JOSD1: variants seen among roughly 807,000 people sequenced by gnomAD.
The protein encoded by JOSD1 is Josephin domain containing 1, also known as josephin-1.
In JOSD1, 11 loss-of-function variants were observed where a neutral mutation model predicts 24.3. The observed-to-expected ratio is 0.45, with a 90% confidence interval of 0.29 to 0.75. The LOEUF (loss-of-function observed/expected upper bound fraction) is 0.75. Among genes scored for constraint, JOSD1 ranks in the 30% least tolerant of loss-of-function variants. JOSD1 has a pLI of 0.11. For synonymous variants in JOSD1, 106 were observed against 93.8 expected (o/e 1.13, Z -0.75); for missense variants, 184 against 253.5 (o/e 0.73, Z 1.86).
In JOSD1 at chr22:38,700,295, C is replaced by A; in HGVS notation, c.-308G>T. ...GTTTCCGTTTCCCCACCCTTCCCTC[C>A]CACCCCCCTCCAAAATCCCCACGAT... On this transcript the variant is annotated 5_prime_UTR_variant, in exon 2 of 5. Transcript: ENST00000683374. The A allele has an allele frequency of 9.7e-7, 1 of 1,035,966 alleles. No individual in the cohort carries two copies. The highest frequency in any genetic ancestry group is 1.2e-6 in the Non-Finnish European group (1 of 860,010). The allele number at this position is 1,035,966 out of a possible 1,614,324, so 64.2% of individuals were successfully genotyped here.
rs2092510978 is a variant in JOSD1 at position 38,689,119 on chromosome 22, C to T, written c.325G>A (p.Val109Ile). ...VWWDKRRDVGVIALTNVMGFI... is the reference protein window; with the variant it reads ...VWWDKRRDVGIIALTNVMGFI... Reference sequence around the variant, plus strand: ...CCCATGACGTTAGTGAGGGCAATGACACCGACATCCCTGCAGGGGAGAAAT... The same window carrying T: ...CCCATGACGTTAGTGAGGGCAATGATACCGACATCCCTGCAGGGGAGAAAT... The change falls in exon 4 of 5, where the codon GTC becomes ATC. Residue 109 changes from valine to isoleucine, a missense_variant. Val to Ile is a conservative substitution (Grantham distance 29). Transcript: ENST00000683374. 1.2e-6 allele frequency: 2 copies of T among 1,613,300 alleles called. No homozygotes were observed. The highest frequency in any genetic ancestry group is 2.2e-5 in the East Asian group (1 of 44,870).
chr22:38,700,893 G>C lies in JOSD1; in HGVS notation c.-725C>G. 1 of 984,510 alleles carries C rather than the reference G, an allele frequency of 1.0e-6. No homozygotes were observed. Among genetic ancestry groups the C allele is most frequent in the Non-Finnish European group, 1.2e-6 (1 of 829,644 alleles). The allele number at this position is 984,510 out of a possible 1,614,324, so 61.0% of individuals were successfully genotyped here. A position where few individuals can be genotyped will look rare whatever the true frequency, so the allele number is the denominator to read the frequency against. The stretch of plus-strand genomic sequence containing the variant: ...GCCGCCGGGACTGCTCGCCGCTGGC[G>C]GTCCCCTCACCGCAGCCGGCCGCCA... On this transcript the variant is annotated 5_prime_UTR_variant, in exon 1 of 5. Transcript: ENST00000683374.
upstream of JOSD1, chr22:38,700,953 C>T (rs1603149733): frequency 1.0e-6 from 1 of 984,818 alleles, no homozygotes; most frequent in Non-Finnish European, 1.2e-6. Context: ...GCCGTGCGGG[C>T]GGGCGCGCGC....
At chr22:38,691,322 A>T (rs1486698894) in intron 2 of JOSD1, among the ~76,000 whole-genome samples, 1 of 148,570 alleles carries the variant, frequency 6.7e-6, no homozygotes, top group Non-Finnish European at 1.5e-5. Context: ...CCATGACTGC[A>T]CTCCAGCCTG....
At chr22:38,695,591 C>T (rs937427864) in intron 2 of JOSD1, among the ~76,000 whole-genome samples, 3 of 151,854 alleles carry the variant, frequency 2.0e-5, no homozygotes, top group East Asian at 1.9e-4. Flanking sequence ...GGACTACAGG[C>T]GCGAGCCCCC....
At chr22:38,696,060 TG>T (rs1384126255) in intron 2 of JOSD1, among the ~76,000 whole-genome samples, 1 of 151,842 alleles carries the variant, frequency 6.6e-6, no homozygotes, top group East Asian at 1.9e-4. Context: ...CCGTCTCGGG[TG>T]GGGGGAAAAA....
intron 2 of JOSD1, among the ~76,000 whole-genome samples, chr22:38,695,635 T>C (rs1277831978): frequency 3.9e-5 from 6 of 152,020 alleles, no homozygotes; most frequent in Non-Finnish European, 8.8e-5. Context: ...TTTGTAGAGA[T>C]AGGGTCTCAC....
chr22:38,691,797 G>A (rs2092523511), intron 2 of JOSD1, among the ~76,000 whole-genome samples: 3 of 152,084 alleles, frequency 2.0e-5, no homozygotes, highest in Non-Finnish European at 2.9e-5. Context: ...GTTTCTCCCA[G>A]TCACTACCTC....
chr22:38,688,679 C>T (rs568648128), intron 4 of JOSD1, among the ~76,000 whole-genome samples: 6 of 152,252 alleles, frequency 3.9e-5, no homozygotes, highest in African/African-American at 1.2e-4. Context: ...ATAGAGAGAA[C>T]GTTACAATGC....
chr22:38,689,575 A>G, intron 2 of JOSD1, 151 bp from the exon 3 acceptor site: 1 of 1,031,316 alleles, frequency 9.7e-7, no homozygotes, highest in South Asian at 1.6e-5. Flanking sequence ...CTACCTAAGT[A>G]TTTTGTAAGT....
intron 3 of JOSD1, 35 bp downstream of exon 3, chr22:38,689,261 C>T: frequency 1.2e-6 from 2 of 1,613,944 alleles, no homozygotes; most frequent in East Asian, 2.2e-5. Flanking sequence ...CACAACCGTG[C>T]TGTTCTCCAT....
intron 2 of JOSD1, 87 bp from the exon 3 acceptor site, chr22:38,689,511 A>T (rs376493333): frequency 3.3e-6 from 5 of 1,527,418 alleles, no homozygotes; most frequent in Non-Finnish European, 4.4e-6. Flanking sequence ...AGCACTTTAC[A>T]TCACTGCCCC....
intron 2 of JOSD1, among the ~76,000 whole-genome samples, chr22:38,691,151 G>A (rs1457645046): frequency 6.6e-6 from 1 of 152,150 alleles, no homozygotes; most frequent in Non-Finnish European, 1.5e-5. Context: ...TATCGCTTGA[G>A]CCTGGGAGTT....
At position 38,689,011 on chromosome 22, in the gene JOSD1, C is replaced by T; in HGVS notation, c.433G>A (p.Glu145Lys). 3.1e-6 allele frequency: 5 copies of T among 1,614,198 alleles called. No individual in the cohort carries two copies. The highest frequency in any genetic ancestry group is 4.2e-6 in the Non-Finnish European group (5 of 1,180,054). The stretch of plus-strand genomic sequence containing the variant: ...AGGTTGTAGTAGGCCCCTCCCACCT[C>T]TCGAACACAGATCCAGTGCTGCCTT... ...LKRQHWICVR[E>K]VGGAYYNLDS... is the part of the protein sequence containing the mutation. Residue 145 changes from glutamate to lysine, a missense_variant, in exon 4 of 5, where the codon GAG becomes AAG. Glu to Lys is a moderately conservative substitution (Grantham distance 56). Transcript: ENST00000683374.
intron 2 of JOSD1, among the ~76,000 whole-genome samples, chr22:38,692,165 T>C (rs1443372521): frequency 6.6e-6 from 1 of 152,258 alleles, no homozygotes; most frequent in Non-Finnish European, 1.5e-5. Flanking sequence ...TAAGGTACTT[T>C]AATTTGCATT....
Position 38,700,248 on chromosome 22 carries a change from AAC to A in JOSD1, c.-263_-262del. 2 of 1,163,332 alleles carry A rather than the reference AAC, an allele frequency of 1.7e-6. No individual in the cohort carries two copies. Among genetic ancestry groups the A allele is most frequent in the Non-Finnish European group, 2.1e-6 (2 of 942,706 alleles). The allele number at this position is 1,163,332 out of a possible 1,614,324, so 72.1% of individuals were successfully genotyped here. ...ACTGTCAAAGTGCAGAATTTAAAAA[AAC>A]ACATAAAATGTAAGACCTTGTTTCC... On this transcript the variant is annotated 5_prime_UTR_variant, in exon 2 of 5. The change creates a premature stop within an existing upstream ORF in the 5' untranslated region. Transcript: ENST00000683374.
At chr22:38,699,301 G>A (rs1034583615) in intron 2 of JOSD1, among the ~76,000 whole-genome samples, 6 of 152,204 alleles carry the variant, frequency 3.9e-5, no homozygotes, top group Non-Finnish European at 8.8e-5. Context: ...CAGAAAAGCT[G>A]AGCATTGTTT....
chr22:38,696,110 T>A (rs1260540862), intron 2 of JOSD1, among the ~76,000 whole-genome samples: 2 of 152,102 alleles, frequency 1.3e-5, no homozygotes, highest in Non-Finnish European at 2.9e-5. Flanking sequence ...GATGTAAGAA[T>A]CTGATCACTA....
Position 38,687,982 on chromosome 22 carries a change from AATG to A in JOSD1, c.526_528del (p.His176del). The A allele has an allele frequency of 1.9e-6, 3 of 1,613,388 alleles. No homozygotes were observed. Among genetic ancestry groups the A allele is most frequent in the Non-Finnish European group, 2.5e-6 (3 of 1,179,294 alleles). ...AGGAGTTCACAGTTCTTTCCTCGCA[AATG>A]ATGTTTTAGAAACTTCCTATGGAAA... On this transcript the variant is annotated inframe_deletion, in exon 5 of 5. Transcript: ENST00000683374.
Sources: gnomAD v4.1 joint callset for allele counts (sites outside exome capture counted in the v4.1 genomes callset) on GRCh38, gnomAD v4.1.1 for gene constraint, MANE v1.5 for transcripts, NCBI Gene and HGNC (gene_info 2026-07-23, HGNC 2026-07-21) for gene names.